Variants in PTPRO observed in about 807,000 individuals in gnomAD.
PTPRO encodes protein tyrosine phosphatase receptor type O, also known as receptor-type tyrosine-protein phosphatase O.
In PTPRO, 62 loss-of-function variants were observed where a neutral mutation model predicts 145.2. That is an observed-to-expected ratio of 0.43 (90% CI 0.35 to 0.53). The LOEUF (loss-of-function observed/expected upper bound fraction) is 0.53. Ranked by LOEUF, PTPRO falls within the 20% of genes least tolerant of loss-of-function variation. The probability of loss-of-function intolerance (pLI) is 0.01; values close to 1 mark genes in which losing one functional copy is unlikely to be tolerated. For missense variants in PTPRO, 1,345 were observed against 1,482.7 expected (o/e 0.91, Z 1.53); for synonymous variants, 565 against 514.7 (o/e 1.10, Z -1.32).
In PTPRO at chr12:15,554,054, C is replaced by T. The variant is rs184388238; in HGVS notation, c.2558+2383C>T. ...TACTGAAAATACAAAATTAGCTGGG[C>T]GTGGTGGCACATGCCTGTAATCCCA... On this transcript the variant is annotated intron_variant, in intron 15 of 26. Transcript: ENST00000281171. Among the ~76,000 whole-genome samples the T allele has an allele frequency of 3.9e-3, 594 of 152,184 alleles. 1 individual carries two copies. The highest frequency in any genetic ancestry group is 6.6e-3 in the Non-Finnish European group (451 of 68,000).
In PTPRO at chr12:15,322,883, G is replaced by C. The variant is rs1048317603; in HGVS notation, c.75+82G>C. 1 of 1,449,218 alleles carries C rather than the reference G, an allele frequency of 6.9e-7. No homozygotes were observed. The highest frequency in any genetic ancestry group is 9.5e-7 in the Non-Finnish European group (1 of 1,056,726). 89.8% of individuals were successfully genotyped at this position (1,449,218 alleles called of 1,614,324 possible). A position where few individuals can be genotyped will look rare whatever the true frequency, so the allele number is the denominator to read the frequency against. Reference sequence around the variant, plus strand: ...GCGCCCTCGCTCTGCCGTTGGGAGCGGCGCGCCCCAGGGCACGATGGCCCA... The same window carrying C: ...GCGCCCTCGCTCTGCCGTTGGGAGCCGCGCGCCCCAGGGCACGATGGCCCA... On this transcript the variant is annotated intron_variant, in intron 1 of 26. Transcript: ENST00000281171. The surrounding 1 kb of genome is among the most constrained non-coding windows in gnomAD (Gnocchi z 6.3).
intron 1 of PTPRO, among the ~76,000 whole-genome samples, chr12:15,449,424 G>C (rs1355362973): frequency 6.6e-6 from 1 of 152,142 alleles, no homozygotes; most frequent in Non-Finnish European, 1.5e-5. Flanking sequence ...CAGTATAATG[G>C]TGCATACCAT....
intron 15 of PTPRO, among the ~76,000 whole-genome samples, 156 bp downstream of exon 15, chr12:15,551,827 G>A (rs766744943): frequency 2.3e-4 from 35 of 151,726 alleles, no homozygotes; most frequent in Non-Finnish European, 2.9e-4. Context: ...AATAGACTTC[G>A]AAACATTATA....
intron 19 of PTPRO, among the ~76,000 whole-genome samples, chr12:15,578,449 C>T (rs1158371027): frequency 6.6e-6 from 1 of 152,104 alleles, no homozygotes; most frequent in Non-Finnish European, 1.5e-5. Context: ...TAAGAAACAA[C>T]CTCAAAATCT....
At chr12:15,452,383 A>C (rs1282870693) in intron 1 of PTPRO, among the ~76,000 whole-genome samples, 2 of 152,200 alleles carry the variant, frequency 1.3e-5, no homozygotes, top group Non-Finnish European at 2.9e-5. Context: ...GTCCAGGACT[A>C]GACGGATTCA....
intron 1 of PTPRO, among the ~76,000 whole-genome samples, chr12:15,331,104 G>A (rs140574851): frequency 3.3e-5 from 5 of 152,042 alleles, no homozygotes; most frequent in South Asian, 2.1e-4. Flanking sequence ...GAGAGGCACC[G>A]ATTGTTAATT....
intron 1 of PTPRO, among the ~76,000 whole-genome samples, chr12:15,377,739 T>C (rs1938729900): frequency 6.6e-6 from 1 of 152,058 alleles, no homozygotes; most frequent in Non-Finnish European, 1.5e-5. Flanking sequence ...GACAATATGC[T>C]AAGTCATTAG....
At chr12:15,509,287 T>C (rs1439330571) in intron 7 of PTPRO, among the ~76,000 whole-genome samples, 1 of 151,556 alleles carries the variant, frequency 6.6e-6, no homozygotes, top group Non-Finnish European at 1.5e-5. Flanking sequence ...AAGCAGAGGG[T>C]TGGAGGGTTT....
intron 1 of PTPRO, among the ~76,000 whole-genome samples, chr12:15,351,960 A>G (rs1272379605): frequency 6.6e-6 from 1 of 152,212 alleles, no homozygotes; most frequent in Admixed American, 6.5e-5. Context: ...TCTTCACACC[A>G]AGAAGATAGG....
chr12:15,431,972 C>T (rs1288072481), intron 1 of PTPRO, among the ~76,000 whole-genome samples: 1 of 152,074 alleles, frequency 6.6e-6, no homozygotes, highest in Non-Finnish European at 1.5e-5. Flanking sequence ...TGAGACTGAG[C>T]TTAACAGCTG....
chr12:15,508,491 CAT>C (rs1203047236), intron 6 of PTPRO, 78 bp from the exon 7 acceptor site: 12 of 1,416,800 alleles, frequency 8.5e-6, no homozygotes, highest in Admixed American at 3.9e-5. Context: ...AAAAAGAAAA[CAT>C]GATTTTTTAA....
Position 15,505,995 on chromosome 12 carries a change from G to A in PTPRO, c.1267+1926G>A, listed in dbSNP as rs10846184. ...TTCACATTAAAATACATACTGAATC[G>A]CAGAAATTTCAGTGACTTCCCCAAG... On this transcript the variant is annotated intron_variant, in intron 6 of 26. Coordinates refer to ENST00000281171, the MANE Select transcript of PTPRO (RefSeq NM_030667.3). Among the ~76,000 whole-genome samples, 2,062 of 152,062 alleles carry A rather than the reference G, an allele frequency of 0.014. 70 individuals are homozygous for A. The East Asian group carries it at 0.14, about 10-fold the overall frequency.
At chr12:15,379,530 CAAA>C (rs1211403772) in intron 1 of PTPRO, among the ~76,000 whole-genome samples, 86 of 49,456 alleles carry the variant, frequency 1.7e-3, no homozygotes, top group African/African-American at 5.2e-3. Flanking sequence ...AGCTCCATCT[CAAA>C]AAAAAAAAAA....
intron 12 of PTPRO, among the ~76,000 whole-genome samples, chr12:15,530,519 C>G (rs1265011552): frequency 2.0e-5 from 3 of 152,118 alleles, no homozygotes; most frequent in African/African-American, 7.2e-5. Flanking sequence ...CATATCATAT[C>G]AAGTATCTTT....
intron 14 of PTPRO, 113 bp from the exon 15 acceptor site, chr12:15,551,438 A>G: frequency 7.5e-7 from 1 of 1,327,088 alleles, no homozygotes; most frequent in Non-Finnish European, 1.1e-6. Flanking sequence ...TGTTACTATT[A>G]TTGGTATCAT....
chr12:15,546,918 C>A (rs1238870984), intron 13 of PTPRO, among the ~76,000 whole-genome samples: 1 of 152,148 alleles, frequency 6.6e-6, no homozygotes, highest in Admixed American at 6.6e-5. Context: ...TCACTTGTTC[C>A]TAATTCATAA....
At chr12:15,497,166 C>T (rs1295071119) in intron 2 of PTPRO, 79 bp from the exon 3 acceptor site, 1 of 1,329,356 alleles carries the variant, frequency 7.5e-7, no homozygotes, top group Non-Finnish European at 1.1e-6. Flanking sequence ...AGGTGTAATC[C>T]TTGCTTAATT....
intron 20 of PTPRO, 130 bp from the exon 21 acceptor site, chr12:15,579,909 T>C (rs1361077195): frequency 2.8e-6 from 2 of 720,682 alleles, no homozygotes; most frequent in African/African-American, 3.6e-5. Flanking sequence ...ATAGCTAAAA[T>C]ATCAGGCTAA....
intron 1 of PTPRO, among the ~76,000 whole-genome samples, chr12:15,433,988 T>A (rs1375889213): frequency 6.6e-6 from 1 of 152,204 alleles, no homozygotes; most frequent in Non-Finnish European, 1.5e-5. Flanking sequence ...TCCTCCAAAA[T>A]TTTCTGTCCT....
Sources: allele counts gnomAD v4.1 joint callset (sites outside exome capture counted in the v4.1 genomes callset), GRCh38; gene constraint gnomAD v4.1.1; non-coding constraint Gnocchi (gnomAD v3.1); transcripts MANE v1.5; gene names NCBI Gene and HGNC (gene_info 2026-07-23, HGNC 2026-07-21).